THPO: variants seen among roughly 807,000 people sequenced by gnomAD.
THPO encodes thrombopoietin, also known as MPL ligand.
In THPO, 12 loss-of-function variants were observed where a neutral mutation model predicts 17.0. The observed-to-expected ratio is 0.71, with a 90% CI of 0.45 to 1.14. The LOEUF is 1.14. Among genes scored for constraint, THPO ranks in the 50% most tolerant of loss-of-function variants. THPO has a pLI of 0.00. For synonymous variants in THPO, 188 were observed against 183.0 expected, an observed-to-expected ratio of 1.03 and a Z score of -0.22; for missense variants, 365 against 427.5, an observed-to-expected ratio of 0.85 and a Z score of 1.29.
At chr3:184,374,395 T>A (rs1360193491) in intron 4 of THPO, among the ~76,000 whole-genome samples, 1 of 152,232 alleles carries the variant, frequency 6.6e-6, no homozygotes, top group Non-Finnish European at 1.5e-5. Context: ...TTTAGTTTTT[T>A]AAACTATTGC....
Position 184,372,496 on chromosome 3 carries a change from G to T in THPO, c.*17C>A. On this transcript the variant is annotated 3_prime_UTR_variant, in exon 6 of 6. Transcript: ENST00000647395. ...CTGTACACGAGACAATGCTGATGTCGGCAGTGTCTGAGAACCTTACCCTTC... is the reference window on the plus strand; with the variant it reads ...CTGTACACGAGACAATGCTGATGTCTGCAGTGTCTGAGAACCTTACCCTTC... The T allele has an allele frequency of 6.2e-7, 1 of 1,613,842 alleles. No individual in the cohort carries two copies.
intron 1 of THPO, among the ~76,000 whole-genome samples, chr3:184,377,392 A>G (rs541241835): frequency 6.6e-6 from 1 of 152,292 alleles, no homozygotes; most frequent in African/African-American, 2.4e-5. Context: ...CCTTCCTGAG[A>G]CCAGCTGCCC....
intron 3 of THPO, 40 bp from the exon 4 acceptor site, chr3:184,375,641 T>C: frequency 1.2e-6 from 2 of 1,601,942 alleles, no homozygotes; most frequent in Non-Finnish European, 1.7e-6. Context: ...GGAGCTGAAA[T>C]AGAGAGAGCT....
intron 1 of THPO, among the ~76,000 whole-genome samples, chr3:184,376,845 C>CAAAAAAA (rs577828569): frequency 7.6e-6 from 1 of 131,574 alleles, no homozygotes; most frequent in African/African-American, 2.9e-5. Flanking sequence ...AACTCCGTCT[C>CAAAAAAA]AAAAAAAAAA....
chr3:184,372,435 C>T lies in THPO; in HGVS notation c.*78G>A, dbSNP rs1221646660. ...TCAGGAGAAAGTAGGAAATCTTGTC[C>T]AGTTGTCTCCCAGGGGCGCCCTGCA... On this transcript the variant is annotated 3_prime_UTR_variant, in exon 6 of 6. Transcript: ENST00000647395. The T allele has an allele frequency of 6.4e-7, 1 of 1,555,870 alleles. No individual in the cohort carries two copies. Among genetic ancestry groups the T allele is most frequent in the African/African-American group, 1.4e-5 (1 of 73,800 alleles).
At chr3:184,375,468 C>A in intron 4 of THPO, 47 bp downstream of exon 4, 1 of 1,579,834 alleles carries the variant, frequency 6.3e-7, no homozygotes, top group South Asian at 1.1e-5. Flanking sequence ...CAGTGGGAAA[C>A]TGAAGACAGG....
chr3:184,378,702 C>T (rs933095176), upstream of THPO: 4 of 716,534 alleles, frequency 5.6e-6, no homozygotes, highest in Non-Finnish European at 6.8e-6. Context: ...GTTGAGTGGA[C>T]TGTCAGGTGC....
Position 184,376,358 on chromosome 3 carries a change from G to C in THPO, c.-99C>G. 1.2e-6 allele frequency: 2 copies of C among 1,613,296 alleles called. No homozygotes were observed. Among genetic ancestry groups the C allele is most frequent in the Non-Finnish European group, 1.7e-6 (2 of 1,179,918 alleles). ...GGCGGCTTAGGCTCTTGCACTTCTG[G>C]GCAGAGTAGGGTGGGGCAAAGGCGG... On this transcript the variant is annotated 5_prime_UTR_variant, in exon 2 of 6. Coordinates refer to ENST00000647395, the MANE Select transcript of THPO (RefSeq NM_000460.4).
Position 184,372,345 on chromosome 3 carries a change from T to C in THPO, c.*168A>G, listed in dbSNP as rs1353799276. ...TAAAAAAATAGCTTCTGAAGGTTTA[T>C]AATGTACAGTGAAAAATGATTCCCT... On this transcript the variant is annotated 3_prime_UTR_variant, in exon 6 of 6. Transcript: ENST00000647395. 2.5e-5 allele frequency: 20 copies of C among 788,444 alleles called. No individual in the cohort carries two copies. Among genetic ancestry groups the C allele is most frequent in the Non-Finnish European group, 4.0e-5 (19 of 473,176 alleles). The allele number at this position is 788,444 out of a possible 1,614,324, so 48.8% of individuals were successfully genotyped here.
chr3:184,376,069 G>A, intron 2 of THPO, 54 bp from the exon 3 acceptor site: 1 of 1,613,652 alleles, frequency 6.2e-7, no homozygotes, highest in Non-Finnish European at 8.5e-7. Flanking sequence ...TTGTCAGCTG[G>A]TATTCCAGGA....
At chr3:184,375,370 A>T in intron 4 of THPO, 145 bp downstream of exon 4, 1 of 777,668 alleles carries the variant, frequency 1.3e-6, no homozygotes, top group Admixed American at 2.0e-5. Flanking sequence ...GGCTATCATC[A>T]TAGGTGAATG....
At chr3:184,378,833 G>T, upstream of THPO, 1 of 985,336 alleles carries the variant, frequency 1.0e-6, no homozygotes, top group South Asian at 4.7e-5. Flanking sequence ...GCCCTCCTTT[G>T]CTTGTTCTGT....
At chr3:184,375,468 C>T in intron 4 of THPO, 47 bp downstream of exon 4, 1 of 1,579,834 alleles carries the variant, frequency 6.3e-7, no homozygotes, top group Non-Finnish European at 8.7e-7. Flanking sequence ...CAGTGGGAAA[C>T]TGAAGACAGG....
chr3:184,376,188 TTCTC>T, intron 2 of THPO, 55 bp downstream of exon 2: 1 of 1,613,824 alleles, frequency 6.2e-7, no homozygotes, highest in Non-Finnish European at 8.5e-7. Flanking sequence ...CGTGTCTCCT[TTCTC>T]TCTCCCCTTC....
At position 184,376,230 on chromosome 3, in the gene THPO, C is replaced by T. The variant is rs1211583683; in HGVS notation, c.13+17G>A. The T allele has an allele frequency of 2.5e-6, 4 of 1,614,048 alleles. No homozygotes were observed. The highest frequency in any genetic ancestry group is 2.5e-6 in the Non-Finnish European group (3 of 1,179,968). ...TCATGTTTCCATATGGCCCTAGCCC[C>T]TCAGGTGTGTTCTCACCAGTCAGCT... On this transcript the variant is annotated intron_variant, in intron 2 of 5. Coordinates refer to ENST00000647395, the MANE Select transcript of THPO (RefSeq NM_000460.4).
chr3:184,378,935 C>T (rs954106091), upstream of THPO: 8 of 908,204 alleles, frequency 8.8e-6, no homozygotes, highest in African/African-American at 1.1e-4. Context: ...TGCTGGACCT[C>T]CCCCGCAAAT....
At chr3:184,375,686 G>A (rs886902291) in intron 3 of THPO, 85 bp from the exon 4 acceptor site, 1 of 1,498,166 alleles carries the variant, frequency 6.7e-7, no homozygotes, top group Non-Finnish European at 9.3e-7. Flanking sequence ...TCCTCCATGA[G>A]TACTATCTCT....
upstream of THPO, among the ~76,000 whole-genome samples, chr3:184,379,530 G>A (rs1714814128): frequency 6.6e-6 from 1 of 152,146 alleles, no homozygotes. Flanking sequence ...GGCAGTGAGA[G>A]AGGGTGGTGA....
At chr3:184,377,892 C>T (rs1188346133) in intron 1 of THPO, among the ~76,000 whole-genome samples, 183 bp downstream of exon 1, 1 of 152,182 alleles carries the variant, frequency 6.6e-6, no homozygotes, top group Non-Finnish European at 1.5e-5. Context: ...CCCTCAGAAA[C>T]CAGCACCCCA....
Sources: gnomAD v4.1 joint callset for allele counts (sites outside exome capture counted in the v4.1 genomes callset) on GRCh38, gnomAD v4.1.1 for gene constraint, MANE v1.5 for transcripts, NCBI Gene and HGNC (gene_info 2026-07-23, HGNC 2026-07-21) for gene names.